CDH18: variants seen among roughly 807,000 people sequenced by gnomAD.
The protein encoded by CDH18 is cadherin 18.
Under a neutral mutation model 67.9 loss-of-function variants are expected in CDH18, and 31 were observed. The observed-to-expected ratio is 0.46, with a 90% CI of 0.34 to 0.62. The LOEUF is 0.62. Among genes scored for constraint, CDH18 ranks in the 20% least tolerant of loss-of-function variants. CDH18 has a pLI of 0.01. For synonymous variants in CDH18, 362 were observed against 347.2 expected, an observed-to-expected ratio of 1.04 and a Z score of -0.48; for missense variants, 890 against 975.5, an observed-to-expected ratio of 0.91 and a Z score of 1.17.
intron 2 of CDH18, among the ~76,000 whole-genome samples, chr5:20,211,683 G>C (rs956698561): frequency 2.0e-5 from 3 of 152,154 alleles, no homozygotes; most frequent in African/African-American, 7.2e-5. Context: ...TGAGAGTCCT[G>C]ACTGTTAGAA....
chr5:20,171,815 G>A (rs1251140540), intron 2 of CDH18, among the ~76,000 whole-genome samples: 1 of 151,282 alleles, frequency 6.6e-6, no homozygotes, highest in African/African-American at 2.4e-5. Flanking sequence ...GAATGTTATT[G>A]CTCAGGTTGT....
intron 8 of CDH18, among the ~76,000 whole-genome samples, chr5:19,545,919 A>G (rs185440719): frequency 3.2e-4 from 48 of 152,316 alleles, no homozygotes; most frequent in African/African-American, 1.0e-3. Context: ...ACAGAATTAT[A>G]AGAGAAAAGA....
At chr5:20,460,404 T>C (rs1751171533) in intron 1 of CDH18, among the ~76,000 whole-genome samples, 1 of 84,786 alleles carries the variant, frequency 1.2e-5, no homozygotes, top group Non-Finnish European at 2.2e-5. Flanking sequence ...AATACATAAA[T>C]AAATAAATAA....
At chr5:19,861,245 T>C (rs1050848895) in intron 2 of CDH18, among the ~76,000 whole-genome samples, 11 of 151,718 alleles carry the variant, frequency 7.3e-5, no homozygotes, top group African/African-American at 2.7e-4. Flanking sequence ...TGGACTTTAA[T>C]TTTTCCTTTG....
intron 2 of CDH18, among the ~76,000 whole-genome samples, chr5:20,041,107 G>A (rs1452266237): frequency 2.0e-5 from 3 of 152,162 alleles, no homozygotes; most frequent in Non-Finnish European, 4.4e-5. Flanking sequence ...GGAAGCTGGT[G>A]TATGAACTCT....
chr5:19,725,493 G>A (rs1253388979), intron 4 of CDH18, among the ~76,000 whole-genome samples: 1 of 152,182 alleles, frequency 6.6e-6, no homozygotes, highest in African/African-American at 2.4e-5. Flanking sequence ...TTGAAGGCCA[G>A]GCACAGTGGC....
At chr5:19,864,382 G>T (rs1785235436) in intron 2 of CDH18, among the ~76,000 whole-genome samples, 1 of 136,066 alleles carries the variant, frequency 7.3e-6, no homozygotes, top group Middle Eastern at 3.6e-3. Flanking sequence ...CTGTTGTGTG[G>T]TGGGGGGAGG....
chr5:19,555,083 C>A (rs189475412), intron 8 of CDH18, among the ~76,000 whole-genome samples: 105 of 152,228 alleles, frequency 6.9e-4, no homozygotes, highest in African/African-American at 2.3e-3. Context: ...AAATAAGCAT[C>A]AAAATTGTAC....
chr5:19,475,179 G>T (rs1456653941), intron 12 of CDH18, among the ~76,000 whole-genome samples: 1 of 149,824 alleles, frequency 6.7e-6, no homozygotes, highest in Non-Finnish European at 1.5e-5. Context: ...ACGTGAATTT[G>T]AGATCAATAA....
At chr5:19,783,198 G>A (rs74644892) in intron 3 of CDH18, among the ~76,000 whole-genome samples, 122 of 152,182 alleles carry the variant, frequency 8.0e-4, no homozygotes, top group Non-Finnish European at 1.6e-3. Flanking sequence ...TATGTAACAC[G>A]AGGCAAGATA....
intron 1 of CDH18, among the ~76,000 whole-genome samples, chr5:20,315,976 T>A (rs910188197): frequency 2.0e-5 from 3 of 152,112 alleles, no homozygotes; most frequent in African/African-American, 4.8e-5. Context: ...AGGGTCTCAA[T>A]GAATACTTGC....
intron 2 of CDH18, among the ~76,000 whole-genome samples, chr5:20,202,992 A>G (rs911821608): frequency 1.3e-5 from 2 of 152,140 alleles, no homozygotes; most frequent in Admixed American, 6.6e-5. Context: ...TGAGGATGAG[A>G]CAGTACCTAC....
intron 2 of CDH18, among the ~76,000 whole-genome samples, chr5:20,060,967 C>CA (rs1339120610): frequency 7.2e-5 from 11 of 151,820 alleles, no homozygotes; most frequent in African/African-American, 2.7e-4. Context: ...AAAGATGCTT[C>CA]AAAATAGAAA....
At chr5:19,913,171 T>C (rs1468049081) in intron 2 of CDH18, among the ~76,000 whole-genome samples, 5 of 152,090 alleles carry the variant, frequency 3.3e-5, no homozygotes, top group Non-Finnish European at 7.4e-5. Flanking sequence ...AAAAAAGAAT[T>C]AGGCCCTCAT....
At chr5:20,381,598 G>C (rs540481025) in intron 1 of CDH18, among the ~76,000 whole-genome samples, 12 of 152,218 alleles carry the variant, frequency 7.9e-5, no homozygotes, top group Admixed American at 3.9e-4. Flanking sequence ...GCTTTTCTGT[G>C]TAATTTCCTT....
chr5:20,536,219 ATGTGC>A (rs377703863), intron 1 of CDH18, among the ~76,000 whole-genome samples: 177 of 152,256 alleles, frequency 1.2e-3, no homozygotes, highest in African/African-American at 4.2e-3. Context: ...CAGTTGGAGA[ATGTGC>A]TTTTTGTTAA....
chr5:20,321,438 C>G (rs541380874), intron 1 of CDH18, among the ~76,000 whole-genome samples: 21 of 152,126 alleles, frequency 1.4e-4, no homozygotes, highest in Non-Finnish European at 2.1e-4. Context: ...CCAATTCCTT[C>G]TAGCTTGGGA....
At chr5:20,386,616 C>A (rs1744330981) in intron 1 of CDH18, among the ~76,000 whole-genome samples, 1 of 152,214 alleles carries the variant, frequency 6.6e-6, no homozygotes, top group Non-Finnish European at 1.5e-5. Flanking sequence ...GGAGTAAGTG[C>A]AAGAACTTGT....
intron 4 of CDH18, among the ~76,000 whole-genome samples, chr5:19,736,345 C>T (rs922301803): frequency 2.0e-5 from 3 of 152,110 alleles, no homozygotes; most frequent in African/African-American, 7.2e-5. Flanking sequence ...CGTGCTGCCA[C>T]TGCACTCTAG....
Sources: gnomAD v4.1 joint callset for allele counts (sites outside exome capture counted in the v4.1 genomes callset) on GRCh38, gnomAD v4.1.1 for gene constraint, MANE v1.5 for transcripts, NCBI Gene and HGNC (gene_info 2026-07-23, HGNC 2026-07-21) for gene names.